Variants in SGCD observed in about 807,000 individuals in gnomAD.
SGCD encodes sarcoglycan delta.
A neutral mutation model predicts 36.6 loss-of-function variants in SGCD; 18 were observed. That is an observed-to-expected ratio of 0.49 (90% CI 0.34 to 0.73). SGCD has a LOEUF of 0.73. Among genes scored for constraint, SGCD ranks in the 30% least tolerant of loss-of-function variants. The pLI, the probability that SGCD is intolerant of heterozygous loss-of-function variation, is 0.01. For missense variants in SGCD, 387 were observed against 346.7 expected (o/e 1.12, Z -0.92); for synonymous variants, 133 against 130.6 (o/e 1.02, Z -0.12).
At chr5:156,322,537 A>G (rs1767698360), upstream of SGCD, among the ~76,000 whole-genome samples, 3 of 152,202 alleles carry the variant, frequency 2.0e-5, no homozygotes, top group African/African-American at 7.2e-5. Flanking sequence ...AATAAGTGCT[A>G]GTCTATAGGC....
chr5:156,132,456 G>GTTTT (rs1561532851), intron 3 of SGCD, among the ~76,000 whole-genome samples: 1 of 73,582 alleles, frequency 1.4e-5, no homozygotes, highest in African/African-American at 6.1e-5. Context: ...AACTTACCAA[G>GTTTT]TCTTTTTTTT....
At chr5:155,800,626 A>G in the SGCD span, among the ~76,000 whole-genome samples, 1 of 152,124 alleles carries the variant, frequency 6.6e-6, no homozygotes, top group Admixed American at 6.5e-5. Flanking sequence ...TTTTACCGGA[A>G]TGTGGCTGGA....
chr5:156,402,961 A>G (rs1772231427), intron 3 of SGCD, among the ~76,000 whole-genome samples: 3 of 152,126 alleles, frequency 2.0e-5, no homozygotes, highest in Admixed American at 2.0e-4. Context: ...TGCCGTACTG[A>G]TTTCCCCAGC....
At chr5:156,189,734 T>C (rs1471732375) in intron 3 of SGCD, among the ~76,000 whole-genome samples, 3 of 152,102 alleles carry the variant, frequency 2.0e-5, no homozygotes, top group Non-Finnish European at 4.4e-5. Flanking sequence ...GTCTGTTAGA[T>C]TGTATTTTGT....
rs559857070 is a variant in SGCD, at chr5:155,980,989, A to G, written c.-282+110565A>G. On this transcript the variant is annotated intron_variant, in intron 1 of 9. Coordinates refer to the SGCD transcript ENST00000517913. ...AAAGGGGCAGTGTAAACTCAGGCTCAATCTGGATCCTTGTCTATCTCTGAA... is the reference window on the plus strand; with the variant it reads ...AAAGGGGCAGTGTAAACTCAGGCTCGATCTGGATCCTTGTCTATCTCTGAA... Among the ~76,000 whole-genome samples, 27 of 152,334 alleles carry G rather than the reference A, an allele frequency of 1.8e-4. No homozygotes were observed. In the South Asian group the frequency reaches 5.6e-3, roughly 32 times the overall value.
At chr5:156,443,441 C>T (rs1753590000) in intron 3 of SGCD, among the ~76,000 whole-genome samples, 2 of 152,130 alleles carry the variant, frequency 1.3e-5, no homozygotes, top group South Asian at 2.1e-4. Context: ...GCAGCGTTTC[C>T]ACCCCAGGAA....
At chr5:155,851,185 A>T in the SGCD span, among the ~76,000 whole-genome samples, 1 of 152,188 alleles carries the variant, frequency 6.6e-6, no homozygotes, top group Admixed American at 6.6e-5. Flanking sequence ...TACAAATCTG[A>T]CATGAATATG....
At chr5:156,665,248 G>C (rs1156290707) in intron 7 of SGCD, among the ~76,000 whole-genome samples, 1 of 152,018 alleles carries the variant, frequency 6.6e-6, no homozygotes, top group African/African-American at 2.4e-5. Flanking sequence ...TCGTGGTTTA[G>C]ACTCTGATGG....
chr5:155,856,183 C>T, the SGCD span, among the ~76,000 whole-genome samples: 1,945 of 152,178 alleles, frequency 0.013, 21 homozygotes, highest in Non-Finnish European at 0.019. Flanking sequence ...TACATATATA[C>T]GTACTCTGTA....
intron 3 of SGCD, among the ~76,000 whole-genome samples, chr5:156,269,505 A>AAAAAAAAAAAAAAAACAAAAC (rs1189540837): frequency 2.3e-5 from 2 of 86,174 alleles, no homozygotes; most frequent in African/African-American, 1.0e-4. Flanking sequence ...AAAAAAAAAA[A>AAAAAAAAAAAAAAAACAAAAC]AAAAACCATC....
chr5:156,574,806 T>A (rs1380697293), intron 4 of SGCD, among the ~76,000 whole-genome samples: 2 of 152,200 alleles, frequency 1.3e-5, no homozygotes, highest in African/African-American at 4.8e-5. Context: ...CTTGCACTTC[T>A]CCCTGAAAGA....
intron 3 of SGCD, among the ~76,000 whole-genome samples, chr5:156,227,989 A>G (rs930613915): frequency 6.6e-6 from 1 of 152,040 alleles, no homozygotes; most frequent in Non-Finnish European, 1.5e-5. Context: ...GTTTTATTCC[A>G]CTGTGGTCTG....
chr5:156,509,189 G>T (rs1172987910), intron 4 of SGCD, among the ~76,000 whole-genome samples: 1 of 152,136 alleles, frequency 6.6e-6, no homozygotes, highest in Non-Finnish European at 1.5e-5. Flanking sequence ...ACTTTGGGAG[G>T]CCAAGGTGGG....
chr5:156,534,281 A>G (rs1758006329), intron 4 of SGCD, among the ~76,000 whole-genome samples: 1 of 152,034 alleles, frequency 6.6e-6, no homozygotes, highest in Admixed American at 6.6e-5. Context: ...AGCAATGTAC[A>G]AAAGTGGAAA....
chr5:155,740,138 A>G, the SGCD span, among the ~76,000 whole-genome samples: 6 of 152,158 alleles, frequency 3.9e-5, no homozygotes, highest in Non-Finnish European at 7.3e-5. Flanking sequence ...TTGCTCTGTC[A>G]CTCAGGGTGG....
intron 6 of SGCD, 135 bp downstream of exon 6, chr5:156,595,186 T>A: frequency 2.8e-6 from 3 of 1,067,220 alleles, no homozygotes; most frequent in Non-Finnish European, 3.9e-6. Context: ...GATAATGGTA[T>A]TAGGAGGTGG....
chr5:156,437,427 A>T (rs1195955651), intron 3 of SGCD, among the ~76,000 whole-genome samples: 2 of 152,182 alleles, frequency 1.3e-5, no homozygotes, highest in Non-Finnish European at 2.9e-5. Flanking sequence ...TCTATGGCAA[A>T]GGAGAGCTGA....
At chr5:156,188,667 C>T (rs951094119) in intron 3 of SGCD, among the ~76,000 whole-genome samples, 1 of 103,680 alleles carries the variant, frequency 9.6e-6, no homozygotes, top group Non-Finnish European at 2.1e-5. Flanking sequence ...CCACCCCAAC[C>T]GCCCCCCCCG....
Position 156,060,433 on chromosome 5 carries a change from TC to T in SGCD, c.-281-57444del, listed in dbSNP as rs1465933127. Among the ~76,000 whole-genome samples, 3 of 146,696 alleles carry T rather than the reference TC, an allele frequency of 2.0e-5. No homozygotes were observed. In the South Asian group the frequency reaches 6.4e-4, roughly 32 times the overall value. Reference sequence around the variant, plus strand: ...GAACAGCTAAAAAGTCTTTCTATCTTCTAGCCCAAAACAAGATAGTAAAAGA... The same window carrying T: ...GAACAGCTAAAAAGTCTTTCTATCTTTAGCCCAAAACAAGATAGTAAAAGA... On this transcript the variant is annotated intron_variant, in intron 1 of 9. Transcript: ENST00000517913.
Sources: gnomAD v4.1 joint callset for allele counts (sites outside exome capture counted in the v4.1 genomes callset) on GRCh38, gnomAD v4.1.1 for gene constraint, MANE v1.5 for transcripts, NCBI Gene and HGNC (gene_info 2026-07-23, HGNC 2026-07-21) for gene names.